Variants in GRID1 observed in about 807,000 individuals in gnomAD.
The protein encoded by GRID1 is glutamate ionotropic receptor delta type subunit 1, also known as glutamate receptor ionotropic, delta-1.
GRID1 carries 28 observed loss-of-function variants against 98.0 expected under a neutral mutation model. The observed-to-expected ratio is 0.29, with a 90% confidence interval of 0.21 to 0.39. The LOEUF (loss-of-function observed/expected upper bound fraction) is 0.39, where lower values mean the gene tolerates loss of function less well. Ranked by LOEUF, GRID1 falls within the 10% of genes least tolerant of loss-of-function variation. The pLI is 1.00. For synonymous variants in GRID1, 553 were observed against 538.5 expected (o/e 1.03, Z -0.37); for missense variants, 1,111 against 1,340.5 (o/e 0.83, Z 2.67).
At chr10:85,612,152 G>A (rs1257599903) in intron 15 of GRID1, among the ~76,000 whole-genome samples, 2 of 152,158 alleles carry the variant, frequency 1.3e-5, no homozygotes, top group African/African-American at 4.8e-5. Flanking sequence ...TGTAAGGAGC[G>A]AGGGACGCCC....
intron 6 of GRID1, among the ~76,000 whole-genome samples, chr10:85,859,458 T>C (rs978022149): frequency 3.3e-5 from 5 of 152,034 alleles, no homozygotes; most frequent in African/African-American, 9.7e-5. Flanking sequence ...GATGGATGGA[T>C]GGATTTTCTC....
chr10:86,138,982 A>T lies in GRID1; in HGVS notation c.563T>A (p.Leu188Gln). 1 of 1,614,116 alleles carries T rather than the reference A, an allele frequency of 6.2e-7. No homozygotes were observed. Among genetic ancestry groups the T allele is most frequent in the South Asian group, 1.1e-5 (1 of 91,078 alleles). Reference sequence around the variant, plus strand: ...CTTTTGTAAAGAGACGTCAAGGCCCAGCCGCGAGGCCTGGTCCAGAAAGCT... The same window carrying T: ...CTTTTGTAAAGAGACGTCAAGGCCCTGCCGCGAGGCCTGGTCCAGAAAGCT... Reference protein sequence around the residue: ...LQSFLDQASRLGLDVSLQKVD... With the variant: ...LQSFLDQASRQGLDVSLQKVD... Residue 188 changes from leucine (L) to glutamine (Q), a missense_variant, in exon 4 of 16, where the codon CTG (leucine) becomes CAG (glutamine). Physicochemically the swap from Leu to Gln is moderately radical, Grantham distance 113. Coordinates refer to ENST00000327946, the MANE Select transcript of GRID1 (RefSeq NM_017551.3).
chr10:86,155,631 A>C (rs1452435694), intron 3 of GRID1, among the ~76,000 whole-genome samples: 1 of 152,240 alleles, frequency 6.6e-6, no homozygotes, highest in Non-Finnish European at 1.5e-5. Context: ...TTCCTGGGGC[A>C]ATCAGAGGTG....
intron 4 of GRID1, among the ~76,000 whole-genome samples, chr10:86,102,730 C>T (rs1051024775): frequency 6.6e-6 from 1 of 152,138 alleles, no homozygotes; most frequent in African/African-American, 2.4e-5. Context: ...TCTATTAAAC[C>T]TCTTTTTCTG....
At chr10:85,821,516 CAAA>C (rs1157209045) in intron 8 of GRID1, among the ~76,000 whole-genome samples, 5 of 9,104 alleles carry the variant, frequency 5.5e-4, no homozygotes, top group Admixed American at 1.5e-3. Context: ...GACTTCATCT[CAAA>C]AAAAAAAAAA....
At chr10:86,051,024 G>A (rs1353100821) in intron 4 of GRID1, among the ~76,000 whole-genome samples, 2 of 151,704 alleles carry the variant, frequency 1.3e-5, no homozygotes, top group East Asian at 1.9e-4. Flanking sequence ...GTTGCCGTGA[G>A]CCAAGATTGC....
chr10:86,164,587 A>C (rs1229374892), intron 3 of GRID1, among the ~76,000 whole-genome samples: 1 of 152,218 alleles, frequency 6.6e-6, no homozygotes, highest in Non-Finnish European at 1.5e-5. Context: ...AAATAGTTAA[A>C]TTACAGTTAA....
chr10:86,289,642 C>T (rs1205503582), intron 2 of GRID1, among the ~76,000 whole-genome samples: 1 of 152,136 alleles, frequency 6.6e-6, no homozygotes, highest in Admixed American at 6.6e-5. Flanking sequence ...GCCACTCATC[C>T]ATCCTGCCCA....
chr10:86,128,550 C>T (rs985576275), intron 4 of GRID1, among the ~76,000 whole-genome samples: 53 of 152,120 alleles, frequency 3.5e-4, no homozygotes, highest in Non-Finnish European at 2.1e-4. Flanking sequence ...GAGTAATGCA[C>T]TGGGGAGAGG....
intron 6 of GRID1, among the ~76,000 whole-genome samples, chr10:85,865,652 C>T (rs944309877): frequency 6.6e-6 from 1 of 151,444 alleles, no homozygotes; most frequent in African/African-American, 2.4e-5. Flanking sequence ...AGAGTCTTCT[C>T]GATAAATCTC....
rs143539873 is a variant in GRID1 at position 85,616,619 on chromosome 10, C to A, written c.2361-2972G>T. ...GATAGTAAGGCAATTTATACGAAAGCATAACATAAAACAAAAAACCTAAAC... is the reference window on the plus strand; with the variant it reads ...GATAGTAAGGCAATTTATACGAAAGAATAACATAAAACAAAAAACCTAAAC... On this transcript the variant is annotated intron_variant, in intron 14 of 15. Transcript: ENST00000327946. Among the ~76,000 whole-genome samples, 508 of 152,252 alleles carry A rather than the reference C, an allele frequency of 3.3e-3. 3 individuals are homozygous for A. The highest frequency in any genetic ancestry group is 0.012 in the African/African-American group (491 of 41,540).
At chr10:85,669,782 G>A (rs551284150) in intron 12 of GRID1, among the ~76,000 whole-genome samples, 30 of 152,126 alleles carry the variant, frequency 2.0e-4, no homozygotes, top group Non-Finnish European at 4.4e-4. Context: ...TTAATTCCAT[G>A]CAGTAACTTA....
chr10:85,623,839 C>A lies in GRID1; in HGVS notation c.2194-3806G>T, dbSNP rs139964112. The stretch of plus-strand genomic sequence containing the variant: ...ATTTCCTATTTATATTAACTCTTTT[C>A]TGTTGAGGATGTTTTTCAGGCTCTG... On this transcript the variant is annotated intron_variant, in intron 13 of 15. Transcript: ENST00000327946. Among the ~76,000 whole-genome samples, 9 of 152,278 alleles carry A rather than the reference C, an allele frequency of 5.9e-5. No homozygotes were observed. The East Asian group carries it at 1.7e-3, about 29-fold the overall frequency.
intron 4 of GRID1, among the ~76,000 whole-genome samples, chr10:86,052,916 A>G (rs1186399728): frequency 6.6e-6 from 1 of 152,234 alleles, no homozygotes; most frequent in East Asian, 1.9e-4. Context: ...GTCCCCAGCA[A>G]TTGTAGATCT....
At chr10:85,942,581 C>T (rs975261722) in intron 4 of GRID1, among the ~76,000 whole-genome samples, 5 of 152,206 alleles carry the variant, frequency 3.3e-5, no homozygotes, top group Admixed American at 6.5e-5. Flanking sequence ...ATGGACCTGG[C>T]GGACAGTGAG....
chr10:85,788,495 G>A (rs760267232), intron 8 of GRID1, among the ~76,000 whole-genome samples: 4 of 152,202 alleles, frequency 2.6e-5, no homozygotes, highest in Admixed American at 6.5e-5. Context: ...CAATGTGGCT[G>A]GCCCACAGTG....
intron 4 of GRID1, among the ~76,000 whole-genome samples, chr10:85,919,289 T>C (rs371268623): frequency 1.3e-5 from 2 of 152,350 alleles, no homozygotes; most frequent in East Asian, 3.9e-4. Context: ...TGGAGACAAT[T>C]GATCAGAAAA....
intron 2 of GRID1, among the ~76,000 whole-genome samples, chr10:86,287,714 A>G (rs1037400610): frequency 1.3e-5 from 2 of 151,968 alleles, no homozygotes; most frequent in African/African-American, 4.8e-5. Context: ...CCTGTTCTTT[A>G]GTGAAATTAT....
At chr10:85,959,879 T>C (rs1842243968) in intron 4 of GRID1, among the ~76,000 whole-genome samples, 1 of 152,222 alleles carries the variant, frequency 6.6e-6, no homozygotes, top group Non-Finnish European at 1.5e-5. Context: ...TTTTCATTTC[T>C]TTTGGGTAAT....
Sources: allele counts gnomAD v4.1 joint callset (sites outside exome capture counted in the v4.1 genomes callset), GRCh38; gene constraint gnomAD v4.1.1; transcripts MANE v1.5; gene names NCBI Gene and HGNC (gene_info 2026-07-23, HGNC 2026-07-21).